Variants in RMDN2 observed in about 807,000 individuals in gnomAD.
RMDN2 encodes regulator of microtubule dynamics 2, also known as regulator of microtubule dynamics protein 2.
A neutral mutation model predicts 52.8 loss-of-function variants in RMDN2; 61 were observed. The observed-to-expected ratio is 1.16, with a 90% CI of 0.94 to 1.43. RMDN2 has a LOEUF of 1.43. Ranked by LOEUF, RMDN2 falls within the 40% of genes most tolerant of loss-of-function variation. The pLI is 0.00. For missense variants in RMDN2, 592 were observed against 475.3 expected, an observed-to-expected ratio of 1.25 and a Z score of -2.28; for synonymous variants, 180 against 153.1, an observed-to-expected ratio of 1.18 and a Z score of -1.30.
chr2:38,061,779 CCAAA>C (rs1682063097), intron 10 of RMDN2, among the ~76,000 whole-genome samples: 1 of 152,146 alleles, frequency 6.6e-6, no homozygotes, highest in Non-Finnish European at 1.5e-5. Context: ...CATCAGTGCC[CCAAA>C]CAGTGTCTGC....
intron 2 of RMDN2, among the ~76,000 whole-genome samples, chr2:37,942,283 G>T (rs1276928417): frequency 6.6e-6 from 1 of 152,156 alleles, no homozygotes; most frequent in East Asian, 1.9e-4. Flanking sequence ...AGTTGGAAAT[G>T]CAGAAATCAC....
chr2:37,943,842 G>C (rs1321730798), intron 2 of RMDN2, among the ~76,000 whole-genome samples: 1 of 151,786 alleles, frequency 6.6e-6, no homozygotes, highest in Non-Finnish European at 1.5e-5. Flanking sequence ...TTTTCACCCT[G>C]ACTTTATAAT....
At chr2:37,951,713 A>G (rs746805856) in intron 2 of RMDN2, 2 of 1,612,662 alleles carry the variant, frequency 1.2e-6, no homozygotes, top group Non-Finnish European at 1.7e-6. Flanking sequence ...CTAAAACTTC[A>G]AGTAATACTG....
intron 2 of RMDN2, chr2:37,951,988 C>G (rs1668878747): frequency 6.2e-7 from 1 of 1,613,080 alleles, no homozygotes; most frequent in African/African-American, 1.3e-5. Context: ...AGTTACAGCA[C>G]AGATCATTCT....
chr2:38,058,592 C>T (rs1157185), intron 10 of RMDN2, among the ~76,000 whole-genome samples: 59,425 of 152,070 alleles, frequency 0.39, 11,896 homozygotes, highest in South Asian at 0.49. Flanking sequence ...CATAAGGAAC[C>T]ATAGCTTTGA....
intron 1 of RMDN2, 138 bp from the exon 2 acceptor site, chr2:37,929,124 C>T: frequency 3.4e-6 from 2 of 593,818 alleles, no homozygotes; most frequent in Non-Finnish European, 6.0e-6. Context: ...TGTCCTTTCC[C>T]ACCCTTTGGG....
chr2:38,001,864 T>C (rs565803213), intron 8 of RMDN2, among the ~76,000 whole-genome samples: 14 of 152,240 alleles, frequency 9.2e-5, no homozygotes, highest in South Asian at 4.1e-4. Context: ...CCAGAATCCA[T>C]TGATTAAGAG....
chr2:37,959,142 G>A (rs1408037987), intron 2 of RMDN2, among the ~76,000 whole-genome samples: 1 of 150,946 alleles, frequency 6.6e-6, no homozygotes, highest in Non-Finnish European at 1.5e-5. Flanking sequence ...GCCAGGTTTT[G>A]GTATCAGGAT....
chr2:37,921,722 A>AT (rs201893972), upstream of RMDN2, among the ~76,000 whole-genome samples: 1,028 of 152,350 alleles, frequency 6.7e-3, 4 homozygotes, highest in African/African-American at 0.023. Context: ...CTGGGTTAAG[A>AT]GAAAAGGCTC....
intron 10 of RMDN2, among the ~76,000 whole-genome samples, chr2:38,047,300 G>A (rs908114136): frequency 1.3e-5 from 2 of 152,116 alleles, no homozygotes; most frequent in Non-Finnish European, 2.9e-5. Flanking sequence ...AAATATGTTC[G>A]TATAAAGATT....
At chr2:37,935,071 C>A (rs1299285942) in intron 2 of RMDN2, among the ~76,000 whole-genome samples, 1 of 151,890 alleles carries the variant, frequency 6.6e-6, no homozygotes, top group Admixed American at 6.6e-5. Context: ...TTCTTCTTGC[C>A]CTAGATATTT....
intron 10 of RMDN2, among the ~76,000 whole-genome samples, chr2:38,026,592 T>A (rs1331516197): frequency 6.6e-6 from 1 of 152,150 alleles, no homozygotes; most frequent in African/African-American, 2.4e-5. Flanking sequence ...AGACTTTACT[T>A]GTTTTCTCTT....
chr2:37,921,883 G>A (rs1666042112), upstream of RMDN2, among the ~76,000 whole-genome samples: 2 of 152,128 alleles, frequency 1.3e-5, no homozygotes, highest in South Asian at 2.1e-4. Flanking sequence ...TTCATATAAA[G>A]AACGAAGCTT....
intron 2 of RMDN2, among the ~76,000 whole-genome samples, chr2:37,944,348 A>G (rs952558201): frequency 7.2e-5 from 10 of 139,856 alleles, no homozygotes; most frequent in African/African-American, 2.7e-4. Context: ...AAAAAAAAAA[A>G]GAATTTTAGG....
chr2:37,952,042 C>A lies in RMDN2; in HGVS notation c.453-21998C>A, dbSNP rs750188626. 10 of 1,613,448 alleles carry A rather than the reference C, an allele frequency of 6.2e-6. No homozygotes were observed. In the Middle Eastern group the frequency reaches 1.2e-3, roughly 186 times the overall value. ...CATCCCTCTCAAAGTGGAACTTTCC[C>A]ATTCCTCCATAAAGCTGGATTTTCT... On this transcript the variant is annotated intron_variant, in intron 2 of 10. Coordinates refer to ENST00000354545, the MANE Select transcript of RMDN2 (RefSeq NM_001170791.3).
chr2:37,934,867 A>G (rs1454810496), intron 2 of RMDN2, among the ~76,000 whole-genome samples: 1 of 151,950 alleles, frequency 6.6e-6, no homozygotes, highest in African/African-American at 2.4e-5. Context: ...CTATCACTCT[A>G]TGGGTCTAAA....
chr2:38,063,843 T>G (rs1444277917), intron 10 of RMDN2, among the ~76,000 whole-genome samples: 1 of 152,228 alleles, frequency 6.6e-6, no homozygotes, highest in Non-Finnish European at 1.5e-5. Flanking sequence ...TTGGTATATG[T>G]TATCAGTTTT....
chr2:37,975,609 T>C (rs146410297), intron 4 of RMDN2, among the ~76,000 whole-genome samples: 1,762 of 152,144 alleles, frequency 0.012, 42 homozygotes, highest in African/African-American at 0.04. Flanking sequence ...CTAATGTAGA[T>C]GTCGGGTTGA....
At chr2:38,002,145 T>A (rs1051300351) in intron 8 of RMDN2, among the ~76,000 whole-genome samples, 1 of 152,218 alleles carries the variant, frequency 6.6e-6, no homozygotes, top group Non-Finnish European at 1.5e-5. Flanking sequence ...TTACAAGGGA[T>A]GTGCCCTTAT....
Sources: gnomAD v4.1 joint callset for allele counts (sites outside exome capture counted in the v4.1 genomes callset) on GRCh38, gnomAD v4.1.1 for gene constraint, MANE v1.5 for transcripts, NCBI Gene and HGNC (gene_info 2026-07-23, HGNC 2026-07-21) for gene names.